Variants in SLC4A5 observed in about 807,000 individuals in gnomAD.
SLC4A5 encodes the protein electrogenic sodium bicarbonate cotransporter 4.
In SLC4A5, 96 loss-of-function variants were observed where a neutral mutation model predicts 120.4. That is an observed-to-expected ratio of 0.80 (90% CI 0.68 to 0.94). The LOEUF is 0.94. SLC4A5 is among the 40% of genes least tolerant of loss of function. The probability of loss-of-function intolerance (pLI) is 0.00; values close to 1 mark genes in which losing one functional copy is unlikely to be tolerated. For synonymous variants in SLC4A5, 550 were observed against 571.1 expected, an observed-to-expected ratio of 0.96 and a Z score of 0.53; for missense variants, 1,259 against 1,459.5, an observed-to-expected ratio of 0.86 and a Z score of 2.24.
chr2:74,225,770 CAT>C (rs1011150103), intron 27 of SLC4A5, among the ~76,000 whole-genome samples: 1 of 152,162 alleles, frequency 6.6e-6, no homozygotes, highest in Non-Finnish European at 1.5e-5. Flanking sequence ...TGCCAAAACT[CAT>C]AGACCCACAC....
chr2:74,233,270 G>C (rs1269660866), intron 23 of SLC4A5, 132 bp downstream of exon 23: 7 of 1,074,168 alleles, frequency 6.5e-6, no homozygotes, highest in Admixed American at 4.0e-5. Flanking sequence ...AACACACCAA[G>C]TGGGAACTCT....
intron 17 of SLC4A5, among the ~76,000 whole-genome samples, chr2:74,249,611 T>C (rs531161587): frequency 1.3e-5 from 2 of 152,066 alleles, no homozygotes; most frequent in East Asian, 1.9e-4. Flanking sequence ...TAGTTTCCGG[T>C]GTAGACAGCT....
exon 21 of SLC4A5, chr2:74,239,506 G>C (rs778094286): frequency 1.2e-6 from 2 of 1,614,032 alleles, no homozygotes; most frequent in Non-Finnish European, 1.7e-6. Context: ...GCAGGGACCA[G>C]TCCAACGCTG....
intron 8 of SLC4A5, among the ~76,000 whole-genome samples, chr2:74,271,343 A>G (rs2104085596): frequency 6.6e-6 from 1 of 152,250 alleles, no homozygotes; most frequent in South Asian, 2.1e-4. Flanking sequence ...GTGATTCTTA[A>G]GCTTGCTTGC....
At chr2:74,315,565 G>A (rs1672942913) in intron 5 of SLC4A5, among the ~76,000 whole-genome samples, 4 of 150,646 alleles carry the variant, frequency 2.7e-5, no homozygotes, top group Admixed American at 6.6e-5. Context: ...CATATACTAC[G>A]TCACAGAAAA....
At chr2:74,217,161 A>G (rs1431051336) in exon 31 of SLC4A5, 1 of 152,212 alleles carries the variant, frequency 6.6e-6, no homozygotes, top group African/African-American at 2.4e-5. Flanking sequence ...TTTAAAAAAG[A>G]AAGCACCTGC....
At chr2:74,265,154 G>A (rs745602085) in exon 9 of SLC4A5, 22 of 1,614,232 alleles carry the variant, frequency 1.4e-5, no homozygotes, top group Middle Eastern at 1.7e-4. Context: ...CACCGTCCCC[G>A]TCTGCAGGCA....
chr2:74,266,560 C>T (rs1481571569), intron 8 of SLC4A5, among the ~76,000 whole-genome samples: 1 of 152,160 alleles, frequency 6.6e-6, no homozygotes, highest in East Asian at 1.9e-4. Context: ...TGAGCCACCA[C>T]GCCCAGTCAC....
intron 23 of SLC4A5, among the ~76,000 whole-genome samples, chr2:74,233,001 AGGG>A (rs1422662219): frequency 1.3e-5 from 2 of 152,152 alleles, no homozygotes; most frequent in African/African-American, 4.8e-5. Flanking sequence ...TGGATGGGGG[AGGG>A]GGTGACCCGA....
At position 74,265,080 on chromosome 2, in the gene SLC4A5, T is replaced by C. The variant is rs370583757; in HGVS notation, c.562+24A>G. 1.1e-5 allele frequency: 18 copies of C among 1,604,142 alleles called. No homozygotes were observed. In the African/African-American group the frequency reaches 2.0e-4, roughly 18 times the overall value. On this transcript the variant is annotated intron_variant, in intron 9 of 30. Transcript: ENST00000394019. The stretch of plus-strand genomic sequence containing the variant: ...TGGTTTGCAGGGACCACAGGAGAGA[T>C]GCACACAGTGGCCCCTGCCTCACCT...
At chr2:74,263,766 C>T (rs760008394) in intron 10 of SLC4A5, among the ~76,000 whole-genome samples, 6 of 152,218 alleles carry the variant, frequency 3.9e-5, no homozygotes, top group Non-Finnish European at 8.8e-5. Context: ...ACCAGCATTT[C>T]CCAATGCTGT....
rs1673048210 is a variant in SLC4A5, at chr2:74,319,627, TC to T, written c.-2-4603del. Reference sequence around the variant, plus strand: ...CCTTTGGCCTAGTTAAAACTTCCCCTCCCTATATGATTGTTTGCAATATAGT... The same window carrying T: ...CCTTTGGCCTAGTTAAAACTTCCCCTCCTATATGATTGTTTGCAATATAGT... On this transcript the variant is annotated intron_variant, in intron 5 of 30. Coordinates refer to ENST00000394019, the Ensembl canonical transcript of SLC4A5. 10 of 152,252 alleles carry T rather than the reference TC, an allele frequency of 6.6e-5. No homozygotes were observed. The South Asian group carries it at 2.1e-3, about 32-fold the overall frequency. 9.4% of individuals were successfully genotyped at this position (152,252 alleles called of 1,614,324 possible). A position where few individuals can be genotyped will look rare whatever the true frequency, so the allele number is the denominator to read the frequency against.
At chr2:74,250,305 A>T (rs751055371) in intron 17 of SLC4A5, 38 bp downstream of exon 17, 2 of 1,594,774 alleles carry the variant, frequency 1.3e-6, no homozygotes, top group South Asian at 1.1e-5. Context: ...GTGGCGGCAG[A>T]TCTTACTTTT....
At chr2:74,235,940 A>T (rs1280084460) in intron 21 of SLC4A5, among the ~76,000 whole-genome samples, 1 of 152,182 alleles carries the variant, frequency 6.6e-6, no homozygotes, top group East Asian at 1.9e-4. Context: ...GGCCTTTTTA[A>T]TATCTTTTCA....
At chr2:74,335,150 C>A (rs1362369197) in intron 3 of SLC4A5, among the ~76,000 whole-genome samples, 1 of 152,182 alleles carries the variant, frequency 6.6e-6, no homozygotes, top group Non-Finnish European at 1.5e-5. Flanking sequence ...GATGAGGAAA[C>A]CACTTCTCAC....
chr2:74,238,024 C>A lies in SLC4A5; in HGVS notation c.2319+1311G>T, dbSNP rs527769005. On this transcript the variant is annotated intron_variant, in intron 21 of 30. Transcript: ENST00000394019. ...GGCTGAGGCAGGAGAATCACTTGAA[C>A]CCGGGAGGCGGAGGTTGCAGTGAGC... is the stretch of plus-strand genomic sequence containing the variant. Among the ~76,000 whole-genome samples the A allele has an allele frequency of 1.5e-4, 23 of 152,236 alleles. 1 individual carries two copies. Among genetic ancestry groups the A allele is most frequent in the East Asian group, 5.8e-4 (3 of 5,180 alleles).
intron 20 of SLC4A5, among the ~76,000 whole-genome samples, chr2:74,241,479 G>A (rs949821227): frequency 1.1e-4 from 16 of 151,770 alleles, no homozygotes; most frequent in African/African-American, 3.1e-4. Context: ...GGTGGCTCAC[G>A]CCTGTAATCC....
In SLC4A5 at chr2:74,247,269, A is replaced by G. The variant is rs571592818; in HGVS notation, c.1826T>C (p.Ile609Thr). The G allele has an allele frequency of 1.9e-6, 3 of 1,614,072 alleles. No homozygotes were observed. In the South Asian group the frequency reaches 3.3e-5, roughly 18 times the overall value. ...GCACTGGACAGCTGAGTGTAGGCCA[A>G]TCCAGAGGCGGAACTCCATGTAGTC... The change falls in exon 19 of 31, where the codon ATT becomes ACT. Residue 609 changes from isoleucine to threonine, a missense_variant. Coordinates refer to ENST00000394019, the Ensembl canonical transcript of SLC4A5.
intron 7 of SLC4A5, among the ~76,000 whole-genome samples, chr2:74,287,786 G>T (rs561406470): frequency 6.6e-6 from 1 of 152,178 alleles, no homozygotes; most frequent in East Asian, 1.9e-4. Flanking sequence ...TATTTCATCA[G>T]CTAGTCTTTC....
Sources: allele counts gnomAD v4.1 joint callset (sites outside exome capture counted in the v4.1 genomes callset), GRCh38; gene constraint gnomAD v4.1.1; transcripts MANE v1.5; gene names NCBI Gene and HGNC (gene_info 2026-07-23, HGNC 2026-07-21).